DYNC1I1: variants seen among roughly 807,000 people sequenced by gnomAD.
The protein encoded by DYNC1I1 is cytoplasmic dynein 1 intermediate chain 1.
A neutral mutation model predicts 86.6 loss-of-function variants in DYNC1I1; 43 were observed. The observed-to-expected ratio is 0.50, with a 90% CI of 0.39 to 0.64. The LOEUF (loss-of-function observed/expected upper bound fraction) is 0.64. Ranked by LOEUF, DYNC1I1 falls within the 30% of genes least tolerant of loss-of-function variation. DYNC1I1 has a pLI of 0.00. For missense variants in DYNC1I1, 604 were observed against 788.8 expected (o/e 0.77, Z 2.81); for synonymous variants, 262 against 283.7 (o/e 0.92, Z 0.77).
chr7:95,817,952 A>G (rs1794983590), intron 4 of DYNC1I1, among the ~76,000 whole-genome samples: 2 of 152,228 alleles, frequency 1.3e-5, no homozygotes, highest in Non-Finnish European at 2.9e-5. Context: ...AAAATATAGG[A>G]AAGTGTATTG....
chr7:96,011,872 G>A (rs781505601), intron 10 of DYNC1I1, among the ~76,000 whole-genome samples: 4 of 152,138 alleles, frequency 2.6e-5, no homozygotes, highest in South Asian at 2.1e-4. Flanking sequence ...CTGAAGCTAC[G>A]GTTAATTTAA....
chr7:95,930,212 T>A (rs1791853865), intron 6 of DYNC1I1, among the ~76,000 whole-genome samples: 1 of 152,178 alleles, frequency 6.6e-6, no homozygotes, highest in African/African-American at 2.4e-5. Context: ...GGCACAGTGG[T>A]GTTCTTAGAA....
intron 6 of DYNC1I1, among the ~76,000 whole-genome samples, chr7:95,875,230 C>A (rs3857801): frequency 0.21 from 32,256 of 151,406 alleles, 4,003 homozygotes; most frequent in African/African-American, 0.34. Context: ...TGCTAAGTGG[C>A]CAAGAATATA....
At chr7:95,822,294 T>C (rs1425408091) in intron 4 of DYNC1I1, among the ~76,000 whole-genome samples, 3 of 152,182 alleles carry the variant, frequency 2.0e-5, no homozygotes, top group South Asian at 4.1e-4. Context: ...AAATATGAAA[T>C]GAAATTCTGC....
At chr7:95,958,784 C>A (rs1485267392) in intron 6 of DYNC1I1, among the ~76,000 whole-genome samples, 1 of 152,164 alleles carries the variant, frequency 6.6e-6, no homozygotes, top group Non-Finnish European at 1.5e-5. Context: ...GACATTGATT[C>A]TGTCCCAAAA....
At chr7:95,837,541 G>C (rs1402132271) in intron 5 of DYNC1I1, 1 of 154,176 alleles carries the variant, frequency 6.5e-6, no homozygotes, top group East Asian at 1.9e-4. Context: ...GCAAGCCTGG[G>C]CAATGGCGGG....
intron 7 of DYNC1I1, among the ~76,000 whole-genome samples, chr7:95,978,882 G>T (rs532154870): frequency 3.9e-5 from 6 of 151,978 alleles, no homozygotes; most frequent in African/African-American, 1.4e-4. Context: ...TGCAACCTCT[G>T]CCTCCCAGGT....
At chr7:96,031,165 G>A (rs999665139) in intron 11 of DYNC1I1, among the ~76,000 whole-genome samples, 14 of 152,284 alleles carry the variant, frequency 9.2e-5, no homozygotes, top group African/African-American at 3.1e-4. Context: ...TCTATATTCT[G>A]CTGGTCAGAA....
At chr7:96,023,362 C>T (rs1794599453) in intron 10 of DYNC1I1, among the ~76,000 whole-genome samples, 2 of 152,138 alleles carry the variant, frequency 1.3e-5, no homozygotes, top group Admixed American at 1.3e-4. Context: ...CAGAGTGCCA[C>T]GCACGGAAGG....
intron 5 of DYNC1I1, among the ~76,000 whole-genome samples, chr7:95,854,101 G>A (rs1367600075): frequency 5.9e-5 from 9 of 152,178 alleles, no homozygotes; most frequent in Non-Finnish European, 1.3e-4. Flanking sequence ...AGCCACTTAT[G>A]TCTTTTGATT....
At chr7:96,106,994 T>C (rs13233110) in intron 16 of DYNC1I1, among the ~76,000 whole-genome samples, 1 of 152,086 alleles carries the variant, frequency 6.6e-6, no homozygotes, top group Non-Finnish European at 1.5e-5. Flanking sequence ...TGTGAATTTG[T>C]CTATTTGATC....
intron 6 of DYNC1I1, among the ~76,000 whole-genome samples, chr7:95,964,317 C>T (rs1259363951): frequency 3.3e-5 from 5 of 152,094 alleles, no homozygotes; most frequent in African/African-American, 9.7e-5. Context: ...TTCAAAGAAC[C>T]AGATCTGTGT....
At chr7:95,927,564 A>G (rs73393038) in intron 6 of DYNC1I1, among the ~76,000 whole-genome samples, 30,212 of 152,050 alleles carry the variant, frequency 0.2, 3,228 homozygotes, top group African/African-American at 0.26. Context: ...TGGGTTATGG[A>G]AGAATGTATC....
chr7:96,070,766 A>C (rs1790136978), intron 14 of DYNC1I1, among the ~76,000 whole-genome samples: 1 of 152,208 alleles, frequency 6.6e-6, no homozygotes, highest in Non-Finnish European at 1.5e-5. Context: ...AAAACACTAA[A>C]TCCTATTGGG....
intron 5 of DYNC1I1, among the ~76,000 whole-genome samples, chr7:95,856,429 C>G (rs558183209): frequency 6.6e-6 from 1 of 152,212 alleles, no homozygotes; most frequent in South Asian, 2.1e-4. Flanking sequence ...TTTTTTTCAT[C>G]ATACATTCGC....
chr7:95,826,224 A>G (rs1412270541), intron 4 of DYNC1I1, among the ~76,000 whole-genome samples: 1 of 152,180 alleles, frequency 6.6e-6, no homozygotes, highest in Non-Finnish European at 1.5e-5. Flanking sequence ...GTCTCATTGG[A>G]CTTCAGTTTT....
intron 5 of DYNC1I1, among the ~76,000 whole-genome samples, chr7:95,855,443 G>A (rs975032939): frequency 6.6e-6 from 1 of 152,146 alleles, no homozygotes; most frequent in Non-Finnish European, 1.5e-5. Context: ...GAATCTGACT[G>A]GAGACCATTG....
chr7:95,846,286 A>G (rs1789423439), intron 5 of DYNC1I1, among the ~76,000 whole-genome samples: 1 of 152,150 alleles, frequency 6.6e-6, no homozygotes, highest in African/African-American at 2.4e-5. Flanking sequence ...GCCAAGTTCT[A>G]TTATAATCAT....
At position 95,852,543 on chromosome 7, in the gene DYNC1I1, T is replaced by C. The variant is rs571034976; in HGVS notation, c.375-17340T>C. Among the ~76,000 whole-genome samples, 3 of 152,216 alleles carry C rather than the reference T, an allele frequency of 2.0e-5. No individual in the cohort carries two copies. In the East Asian group the frequency reaches 5.8e-4, roughly 29 times the overall value. On this transcript the variant is annotated intron_variant, in intron 5 of 16. Transcript: ENST00000447467. ...ATTATTTTGAGATGGAGTCTCACTT[T>C]GTCGCCCAGGCTGGAGGTAATGGCA...
Sources: allele counts gnomAD v4.1 joint callset (sites outside exome capture counted in the v4.1 genomes callset), GRCh38; gene constraint gnomAD v4.1.1; transcripts MANE v1.5; gene names NCBI Gene and HGNC (gene_info 2026-07-23, HGNC 2026-07-21).